MSH4: variants seen among roughly 807,000 people sequenced by gnomAD.
The protein encoded by MSH4 is mutS homolog 4, also known as mutS protein homolog 4.
MSH4 carries 106 observed loss-of-function variants against 113.7 expected under a neutral mutation model. The ratio of observed to expected loss-of-function variants is 0.93; its 90% CI spans 0.80 to 1.10. MSH4 has a LOEUF of 1.10. Among genes scored for constraint, MSH4 ranks in the 50% least tolerant of loss-of-function variants. The pLI, the probability that MSH4 is intolerant of heterozygous loss-of-function variation, is 0.00. For missense variants in MSH4, 1,061 were observed against 1,093.7 expected, an observed-to-expected ratio of 0.97 and a Z score of 0.42; for synonymous variants, 368 against 380.2, an observed-to-expected ratio of 0.97 and a Z score of 0.37.
At chr1:75,881,949 T>C (rs1231455905) in intron 14 of MSH4, among the ~76,000 whole-genome samples, 5 of 152,090 alleles carry the variant, frequency 3.3e-5, no homozygotes, top group Non-Finnish European at 4.4e-5. Context: ...TATGCAAATT[T>C]ACTGGACTAG....
intron 8 of MSH4, among the ~76,000 whole-genome samples, chr1:75,853,367 A>AT (rs1231715563): frequency 6.6e-6 from 1 of 151,940 alleles, no homozygotes; most frequent in Non-Finnish European, 1.5e-5. Context: ...ACCTGGCCTG[A>AT]TTTTTTTTAT....
Position 75,866,659 on chromosome 1 carries a change from A to G in MSH4, c.1231-855A>G, listed in dbSNP as rs148796284. ...TCACAGAACAGTCCAGGTATTGTGC[A>G]GTGGGGCTATAGACCACGGTACCTC... On this transcript the variant is annotated intron_variant, in intron 8 of 19. Coordinates refer to ENST00000263187, the MANE Select transcript of MSH4 (RefSeq NM_002440.4). 1.9e-3 allele frequency among the ~76,000 whole-genome samples: 294 copies of G among 152,192 alleles called. 1 individual carries two copies. The highest frequency in any genetic ancestry group is 6.7e-3 in the African/African-American group (277 of 41,524).
chr1:75,890,656 T>C, intron 16 of MSH4, 40 bp from the exon 17 acceptor site: 1 of 1,129,378 alleles, frequency 8.9e-7, no homozygotes, highest in Non-Finnish European at 1.2e-6. Flanking sequence ...TTGACAGCTG[T>C]TTGGTTACAA....
chr1:75,898,839 T>G (rs1488073004), intron 18 of MSH4, among the ~76,000 whole-genome samples: 1 of 152,206 alleles, frequency 6.6e-6, no homozygotes, highest in Non-Finnish European at 1.5e-5. Context: ...GTTTTGCTAT[T>G]TGAAATGGGA....
chr1:75,906,074 T>C (rs1423664603), intron 19 of MSH4, among the ~76,000 whole-genome samples: 1 of 151,920 alleles, frequency 6.6e-6, no homozygotes, highest in Non-Finnish European at 1.5e-5. Flanking sequence ...CACTGCAACC[T>C]CCACCTCCCA....
At chr1:75,809,771 C>G (rs533814686) in intron 3 of MSH4, among the ~76,000 whole-genome samples, 23 of 152,034 alleles carry the variant, frequency 1.5e-4, no homozygotes, top group Non-Finnish European at 2.8e-4. Context: ...CTGCCTCAGC[C>G]TCCCAAGTAG....
chr1:75,903,788 CTAAGTA>C (rs1202738516), intron 19 of MSH4, among the ~76,000 whole-genome samples: 1 of 151,878 alleles, frequency 6.6e-6, no homozygotes, highest in Non-Finnish European at 1.5e-5. Flanking sequence ...TTAGGGTTTT[CTAAGTA>C]TAATATGTCA....
intron 9 of MSH4, 76 bp downstream of exon 9, chr1:75,867,664 C>A: frequency 1.0e-6 from 1 of 964,882 alleles, no homozygotes; most frequent in Non-Finnish European, 1.6e-6. Flanking sequence ...AAATTTCAAA[C>A]TCGGAAAATT....
At chr1:75,813,237 G>A (rs1650225750) in intron 4 of MSH4, among the ~76,000 whole-genome samples, 1 of 152,100 alleles carries the variant, frequency 6.6e-6, no homozygotes, top group African/African-American at 2.4e-5. Flanking sequence ...CACTATTTCT[G>A]GGGGTAGATA....
intron 7 of MSH4, among the ~76,000 whole-genome samples, chr1:75,833,697 T>C (rs891373785): frequency 1.3e-4 from 20 of 152,196 alleles, no homozygotes; most frequent in Non-Finnish European, 2.9e-4. Context: ...GATTCCCTAT[T>C]TAATAAATGG....
intron 7 of MSH4, among the ~76,000 whole-genome samples, chr1:75,832,150 A>G (rs1201527551): frequency 1.3e-5 from 2 of 152,234 alleles, no homozygotes; most frequent in East Asian, 1.9e-4. Context: ...AGAGAATACT[A>G]TAAACACCTC....
intron 6 of MSH4, among the ~76,000 whole-genome samples, chr1:75,817,509 T>C (rs978897358): frequency 9.5e-4 from 144 of 152,360 alleles, no homozygotes; most frequent in African/African-American, 3.4e-3. Flanking sequence ...TCAAACATTG[T>C]TTGACTTCCT....
chr1:75,830,360 A>G (rs1249107476), intron 7 of MSH4, among the ~76,000 whole-genome samples: 1 of 152,178 alleles, frequency 6.6e-6, no homozygotes, highest in Non-Finnish European at 1.5e-5. Context: ...GTTGGAAAAC[A>G]CTCTTCAGGA....
chr1:75,806,888 T>A, intron 2 of MSH4, 93 bp from the exon 3 acceptor site: 1 of 1,165,286 alleles, frequency 8.6e-7, no homozygotes, highest in Non-Finnish European at 1.2e-6. Context: ...TTGCATTATT[T>A]TGTCCTCTTG....
intron 8 of MSH4, among the ~76,000 whole-genome samples, chr1:75,852,746 T>C (rs1208497511): frequency 2.0e-5 from 3 of 152,330 alleles, no homozygotes; most frequent in Admixed American, 6.5e-5. Flanking sequence ...GTGAGAGTTC[T>C]TTATATATTT....
chr1:75,884,230 T>C (rs1482971758), intron 15 of MSH4, among the ~76,000 whole-genome samples: 1 of 152,112 alleles, frequency 6.6e-6, no homozygotes, highest in Admixed American at 6.6e-5. Flanking sequence ...TTAAATATAA[T>C]ATTGAGCAGA....
At position 75,883,623 on chromosome 1, in the gene MSH4, C is replaced by T. The variant is rs749027216; in HGVS notation, c.1909C>T (p.Arg637Ter). 3.1e-6 allele frequency: 5 copies of T among 1,601,756 alleles called. No individual in the cohort carries two copies. The highest frequency in any genetic ancestry group is 1.7e-5 in the Admixed American group (1 of 57,260). Residue 637 changes from arginine (R) to a stop codon, truncating the protein, a stop_gained and splice_region_variant, in exon 15 of 20, where the codon CGA (arginine) becomes TGA (stop). Transcript: ENST00000263187. LOFTEE classifies it high-confidence loss of function. ...AHACTLSDYV[R>*]PEFTDTLAIK... ...ACCATTCTATTTTTTTTCTTAAGTT[C>T]GACCAGAATTTACTGATACTTTAGC... is the stretch of plus-strand genomic sequence containing the variant.
At chr1:75,809,958 AC>A (rs1254299538) in intron 3 of MSH4, among the ~76,000 whole-genome samples, 1 of 151,694 alleles carries the variant, frequency 6.6e-6, no homozygotes, top group Non-Finnish European at 1.5e-5. Flanking sequence ...GCCCATAGTT[AC>A]CCTTATTGGA....
chr1:75,913,204 C>T lies in MSH4; in HGVS notation c.*317C>T, dbSNP rs1571007494. Reference sequence around the variant, plus strand: ...ATAGTTTAAAATATTATTGTAAATACCCTAGTTTAATAAACACCTTTCTTT... The same window carrying T: ...ATAGTTTAAAATATTATTGTAAATATCCTAGTTTAATAAACACCTTTCTTT... On this transcript the variant is annotated 3_prime_UTR_variant, in exon 20 of 20. Transcript: ENST00000263187. 2 of 157,020 alleles carry T rather than the reference C, an allele frequency of 1.3e-5. No individual in the cohort carries two copies. The highest frequency in any genetic ancestry group is 2.0e-4 in the South Asian group (1 of 4,922). The allele number at this position is 157,020 out of a possible 1,614,324, so 9.7% of individuals were successfully genotyped here.
Sources: gnomAD v4.1 joint callset for allele counts (sites outside exome capture counted in the v4.1 genomes callset) on GRCh38, gnomAD v4.1.1 for gene constraint, MANE v1.5 for transcripts, NCBI Gene and HGNC (gene_info 2026-07-23, HGNC 2026-07-21) for gene names.